Variants in EFEMP1 observed in about 807,000 individuals in gnomAD.
EFEMP1 encodes the protein EGF-containing fibulin-like extracellular matrix protein 1.
Under a neutral mutation model 65.7 loss-of-function variants are expected in EFEMP1, and 18 were observed. The ratio of observed to expected loss-of-function variants is 0.27; its 90% CI spans 0.19 to 0.41. EFEMP1 has a LOEUF of 0.41. Among genes scored for constraint, EFEMP1 ranks in the 10% least tolerant of loss-of-function variants. The pLI, the probability that EFEMP1 is intolerant of heterozygous loss-of-function variation, is 1.00. For missense variants in EFEMP1, 469 were observed against 624.8 expected (o/e 0.75, Z 2.66); for synonymous variants, 237 against 219.7 (o/e 1.08, Z -0.70).
chr2:55,920,834 G>C (rs1273250038), intron 3 of EFEMP1, among the ~76,000 whole-genome samples: 1 of 152,168 alleles, frequency 6.6e-6, no homozygotes, highest in Non-Finnish European at 1.5e-5. Context: ...TCCACAGCGG[G>C]ATACTCAGAA....
chr2:55,918,336 C>G (rs892065076), intron 3 of EFEMP1, 69 bp from the exon 4 acceptor site: 4 of 1,550,374 alleles, frequency 2.6e-6, no homozygotes, highest in Middle Eastern at 1.7e-4. Context: ...TAAGAAATCA[C>G]TCTAAAAGCT....
At chr2:55,891,667 A>G (rs1308861393) in intron 5 of EFEMP1, among the ~76,000 whole-genome samples, 1 of 152,100 alleles carries the variant, frequency 6.6e-6, no homozygotes, top group Non-Finnish European at 1.5e-5. Flanking sequence ...GTTTCATTGT[A>G]AGTGGTTATT....
At chr2:55,911,799 A>G (rs993142453) in intron 5 of EFEMP1, among the ~76,000 whole-genome samples, 6 of 152,130 alleles carry the variant, frequency 3.9e-5, no homozygotes, top group South Asian at 4.1e-4. Flanking sequence ...TTGTCATTCA[A>G]TTTTTATGAA....
At chr2:55,915,071 A>G (rs918389952) in intron 5 of EFEMP1, among the ~76,000 whole-genome samples, 8 of 152,228 alleles carry the variant, frequency 5.3e-5, no homozygotes, top group Admixed American at 1.3e-4. Flanking sequence ...TCCTGTTGTT[A>G]TCATATGAAA....
chr2:55,906,182 G>A (rs973600183), intron 5 of EFEMP1, among the ~76,000 whole-genome samples: 3 of 151,382 alleles, frequency 2.0e-5, no homozygotes, highest in African/African-American at 7.3e-5. Flanking sequence ...CACTGAAGGA[G>A]GGAGGTCATA....
intron 3 of EFEMP1, among the ~76,000 whole-genome samples, chr2:55,920,424 A>G (rs148938608): frequency 2.6e-5 from 4 of 152,360 alleles, no homozygotes; most frequent in African/African-American, 9.6e-5. Flanking sequence ...GTAAACAAAC[A>G]AATTCTTTTA....
intron 5 of EFEMP1, among the ~76,000 whole-genome samples, chr2:55,900,891 A>G (rs1015316491): frequency 5.9e-5 from 9 of 152,140 alleles, no homozygotes; most frequent in Non-Finnish European, 1.5e-5. Context: ...ATAAGCCACT[A>G]TCCTGCCTCT....
chr2:55,887,966 T>C (rs1379841920), intron 5 of EFEMP1, among the ~76,000 whole-genome samples: 2 of 152,210 alleles, frequency 1.3e-5, no homozygotes, highest in Non-Finnish European at 2.9e-5. Context: ...CCCCCTCACG[T>C]AGCTTCCTCT....
At chr2:55,903,987 G>T (rs542667534) in intron 5 of EFEMP1, among the ~76,000 whole-genome samples, 3 of 151,988 alleles carry the variant, frequency 2.0e-5, no homozygotes, top group Admixed American at 2.0e-4. Flanking sequence ...TCTTACAGGG[G>T]GTCCTGTCTT....
chr2:55,917,840 G>C lies in EFEMP1; in HGVS notation c.342C>G (p.Pro114=), dbSNP rs765506968. Residue 114 remains proline, a synonymous_variant, in exon 5 of 12, where the codon CCC becomes CCG. Coordinates refer to ENST00000355426, the MANE Select transcript of EFEMP1 (RefSeq NM_001039348.3). The surrounding 1 kb of genome is among the most constrained non-coding windows in gnomAD (Gnocchi z 6.3). Reference sequence around the variant, plus strand: ...CAGCACTGGCCACAAAACCACCCCCGGGCAACACTCCACTGGTTGCCATGC... The same window carrying C: ...CAGCACTGGCCACAAAACCACCCCCCGGCAACACTCCACTGGTTGCCATGC... ...ASSMATSGVL[P]GGGFVASAAA... is the part of the protein sequence containing the mutation. The C allele has an allele frequency of 5.6e-6, 9 of 1,614,178 alleles. No individual in the cohort carries two copies. Among genetic ancestry groups the C allele is most frequent in the Non-Finnish European group, 7.6e-6 (9 of 1,180,032 alleles).
Position 55,923,590 on chromosome 2 carries a change from G to A in EFEMP1, c.-49+121C>T. ...CCTCCCTCTCTGCCCGAGACACCCT[G>A]CACAGTCCAGGGCAGTTCTCGGGTA... On this transcript the variant is annotated intron_variant, in intron 1 of 11. Transcript: ENST00000355426. The surrounding 1 kb of genome is among the most constrained non-coding windows in gnomAD (Gnocchi z 5.3). 1 of 985,298 alleles carries A rather than the reference G, an allele frequency of 1.0e-6. No homozygotes were observed. Among genetic ancestry groups the A allele is most frequent in the Non-Finnish European group, 1.2e-6 (1 of 829,778 alleles). 61.0% of individuals were successfully genotyped at this position (985,298 alleles called of 1,614,324 possible). A position where few individuals can be genotyped will look rare whatever the true frequency, so the allele number is the denominator to read the frequency against.
rs1458975990 is a variant in EFEMP1 at position 55,905,291 on chromosome 2, C to T, written c.517+12374G>A. Among the ~76,000 whole-genome samples, 4 of 152,082 alleles carry T rather than the reference C, an allele frequency of 2.6e-5. No homozygotes were observed. The East Asian group carries it at 7.7e-4, about 29-fold the overall frequency. On this transcript the variant is annotated intron_variant, in intron 5 of 11. Coordinates refer to ENST00000355426, the MANE Select transcript of EFEMP1 (RefSeq NM_001039348.3). ...GTGTAATCTTCTTTATTAAGGTCTTCCTGATTTTCTCTTGTCACTATAAAC... is the reference window on the plus strand; with the variant it reads ...GTGTAATCTTCTTTATTAAGGTCTTTCTGATTTTCTCTTGTCACTATAAAC...
chr2:55,922,625 C>G lies in EFEMP1; in HGVS notation c.-7-178G>C. 4 of 651,636 alleles carry G rather than the reference C, an allele frequency of 6.1e-6. No homozygotes were observed. The highest frequency in any genetic ancestry group is 1.1e-5 in the Non-Finnish European group (4 of 373,438). 40.4% of individuals were successfully genotyped at this position (651,636 alleles called of 1,614,324 possible). ...CCTCCTGAACCTTCTCGGTAGCCAA[C>G]GAACGAGGCAGCAAAGACGTAAAAA... On this transcript the variant is annotated intron_variant, in intron 2 of 11. Coordinates refer to ENST00000355426, the MANE Select transcript of EFEMP1 (RefSeq NM_001039348.3). The surrounding 1 kb of genome is among the most constrained non-coding windows in gnomAD (Gnocchi z 5.5).
At chr2:55,907,889 C>T (rs755349547) in intron 5 of EFEMP1, among the ~76,000 whole-genome samples, 3 of 152,226 alleles carry the variant, frequency 2.0e-5, no homozygotes, top group Non-Finnish European at 4.4e-5. Flanking sequence ...CAGCTCCTGT[C>T]ATGATTCTCA....
At chr2:55,888,696 C>G (rs1669520881) in intron 5 of EFEMP1, among the ~76,000 whole-genome samples, 1 of 152,120 alleles carries the variant, frequency 6.6e-6, no homozygotes. Context: ...AACCATTCAT[C>G]AGTCTGCTAC....
rs1670968057 is a variant in EFEMP1 at position 55,923,179 on chromosome 2, C to G, written c.-48-240G>C. 6.6e-6 allele frequency among the ~76,000 whole-genome samples: 1 copy of G among 152,148 alleles called. No individual in the cohort carries two copies. The highest frequency in any genetic ancestry group is 2.4e-5 in the African/African-American group (1 of 41,448). On this transcript the variant is annotated intron_variant, in intron 1 of 11. Transcript: ENST00000355426. The surrounding 1 kb of genome is among the most constrained non-coding windows in gnomAD (Gnocchi z 5.3). ...GAGGGGCAGCCCAAAGCGACTGATTCTCTTTTGTCTTATCAGTCTGGGTCC... is the reference window on the plus strand; with the variant it reads ...GAGGGGCAGCCCAAAGCGACTGATTGTCTTTTGTCTTATCAGTCTGGGTCC...
At chr2:55,868,850 C>A (rs1668686626) in intron 11 of EFEMP1, among the ~76,000 whole-genome samples, 1 of 152,114 alleles carries the variant, frequency 6.6e-6, no homozygotes. Flanking sequence ...AATTAATTAA[C>A]CTAACTAACC....
Position 55,868,074 on chromosome 2 carries a change from G to A in EFEMP1, c.1321-840C>T, listed in dbSNP as rs529575602. The stretch of plus-strand genomic sequence containing the variant: ...GAGCAGCTTGCAACCCTCTGCTGCA[G>A]CAGTCAACATCTTTCTGATCACTTG... On this transcript the variant is annotated intron_variant, in intron 11 of 11. Transcript: ENST00000355426. 1.1e-4 allele frequency among the ~76,000 whole-genome samples: 16 copies of A among 152,264 alleles called. No homozygotes were observed. In the South Asian group the frequency reaches 1.9e-3, roughly 18 times the overall value.
intron 5 of EFEMP1, among the ~76,000 whole-genome samples, chr2:55,890,944 G>T (rs1451312870): frequency 6.6e-6 from 1 of 152,000 alleles, no homozygotes; most frequent in East Asian, 1.9e-4. Flanking sequence ...AGGAGGAAAA[G>T]ATCTTTTTAT....
Sources: allele counts gnomAD v4.1 joint callset (sites outside exome capture counted in the v4.1 genomes callset), GRCh38; gene constraint gnomAD v4.1.1; non-coding constraint Gnocchi (gnomAD v3.1); transcripts MANE v1.5; gene names NCBI Gene and HGNC (gene_info 2026-07-23, HGNC 2026-07-21).